Variants in ITGA7 observed in about 807,000 individuals in gnomAD.
ITGA7 encodes the protein integrin subunit alpha 7, also known as integrin alpha-7.
ITGA7 carries 84 observed loss-of-function variants against 131.6 expected under a neutral mutation model. The ratio of observed to expected loss-of-function variants is 0.64; its 90% CI spans 0.54 to 0.77. ITGA7 has a LOEUF of 0.77. Ranked by LOEUF, ITGA7 falls within the 30% of genes least tolerant of loss-of-function variation. The probability of loss-of-function intolerance (pLI) is 0.00; values close to 1 mark genes in which losing one functional copy is unlikely to be tolerated. For missense variants in ITGA7, 1,399 were observed against 1,482.9 expected (o/e 0.94, Z 0.93); for synonymous variants, 548 against 600.7 (o/e 0.91, Z 1.28).
chr12:55,690,232 G>C (rs1444427055), intron 21 of ITGA7, among the ~76,000 whole-genome samples: 1 of 151,968 alleles, frequency 6.6e-6, no homozygotes, highest in Non-Finnish European at 1.5e-5. Context: ...TCTGACAAAG[G>C]GCTAATATCC....
At chr12:55,708,006 G>C (rs950800205), upstream of ITGA7, 17 of 1,222,972 alleles carry the variant, frequency 1.4e-5, no homozygotes, top group Non-Finnish European at 1.6e-5. Context: ...TCTCCAAGGG[G>C]ATGCCCAGGC....
chr12:55,687,169 C>CTTT (rs1187388992), intron 24 of ITGA7, among the ~76,000 whole-genome samples: 30 of 88,174 alleles, frequency 3.4e-4, no homozygotes, highest in Non-Finnish European at 4.8e-4. Context: ...CATCTGATTT[C>CTTT]TTTTTTTTTT....
intron 23 of ITGA7, 40 bp downstream of exon 23, chr12:55,688,160 GAA>G: frequency 6.2e-7 from 1 of 1,613,926 alleles, no homozygotes; most frequent in Non-Finnish European, 8.5e-7. Context: ...GAGCAGGAAA[GAA>G]GAGAGTCCTC....
rs1555161122 is a variant in ITGA7, at chr12:55,694,702, TG to T, written c.2197-8del. On this transcript the variant is annotated splice_polypyrimidine_tract_variant and splice_region_variant and intron_variant, in intron 15 of 24. Coordinates refer to ENST00000257879, the MANE Select transcript of ITGA7 (RefSeq NM_002206.3). The surrounding 1 kb of genome is among the most constrained non-coding windows in gnomAD (Gnocchi z 5.3). The stretch of plus-strand genomic sequence containing the variant: ...ACAGGCAGAGTGGCTTCTCCTGGAA[TG>T]GGAGAGAAGGCAAGGTCAGTCTGGG... The T allele has an allele frequency of 6.2e-7, 1 of 1,614,036 alleles. No individual in the cohort carries two copies. The highest frequency in any genetic ancestry group is 8.5e-7 in the Non-Finnish European group (1 of 1,179,944).
intron 1 of ITGA7, among the ~76,000 whole-genome samples, chr12:55,705,142 G>A (rs1171865535): frequency 1.3e-5 from 2 of 152,104 alleles, no homozygotes; most frequent in African/African-American, 4.8e-5. Context: ...TAGGGAGGAG[G>A]GGAGGGGCCC....
At chr12:55,695,706 A>C (rs1295713928) in intron 13 of ITGA7, 69 bp from the exon 14 acceptor site, 1 of 1,017,808 alleles carries the variant, frequency 9.8e-7, no homozygotes, top group African/African-American at 1.6e-5. Flanking sequence ...TCACCATGGC[A>C]TATGGTGGGT....
Position 55,697,963 on chromosome 12 carries a change from A to G in ITGA7, c.1256T>C (p.Leu419Pro), listed in dbSNP as rs757970045. ...GKVFIYHGSS[L>P]GVVAKPSQVL... ...CTGTGAAGGTTTGGCGACAACCCCC[A>G]GGCTGCTCCCATGGTAGATGAAGAC... Residue 419 changes from leucine (L) to proline (P), a missense_variant, in exon 8 of 25, where the codon CTG (leucine) becomes CCG (proline). Transcript: ENST00000257879. The G allele has an allele frequency of 3.2e-5, 51 of 1,613,952 alleles. No homozygotes were observed. Among genetic ancestry groups the G allele is most frequent in the Non-Finnish European group, 4.2e-5 (49 of 1,180,020 alleles).
intron 3 of ITGA7, among the ~76,000 whole-genome samples, chr12:55,702,489 A>G (rs1313947046): frequency 2.6e-5 from 4 of 151,632 alleles, no homozygotes; most frequent in Non-Finnish European, 4.4e-5. Context: ...ATTTTTTTGT[A>G]TTTTTAGGAG....
At chr12:55,714,517 C>CA (rs35046301), upstream of ITGA7, among the ~76,000 whole-genome samples, 55,874 of 120,192 alleles carry the variant, frequency 0.46, 13,757 homozygotes, top group East Asian at 0.91. Context: ...GACTCCGTCT[C>CA]AAAAAAAAAA....
Position 55,694,534 on chromosome 12 carries a change from G to T in ITGA7, c.2278-12C>A. The T allele has an allele frequency of 3.7e-6, 6 of 1,614,074 alleles. No homozygotes were observed. Among genetic ancestry groups the T allele is most frequent in the Non-Finnish European group, 5.1e-6 (6 of 1,179,904 alleles). ...AGGTAGAAGGTGACCTAGGCCAAGG[G>T]TGGAAAGAGATTAGAGTCAGGGGTG... On this transcript the variant is annotated splice_polypyrimidine_tract_variant and intron_variant, in intron 16 of 24. Transcript: ENST00000257879. The surrounding 1 kb of genome is among the most constrained non-coding windows in gnomAD (Gnocchi z 5.3).
chr12:55,685,708 T>C (rs1869960729), intron 24 of ITGA7, among the ~76,000 whole-genome samples: 2 of 152,192 alleles, frequency 1.3e-5, no homozygotes, highest in African/African-American at 4.8e-5. Context: ...TCAAGCCTCA[T>C]AAACATGCAC....
upstream of ITGA7, chr12:55,716,303 G>T: frequency 2.0e-6 from 3 of 1,515,538 alleles, no homozygotes; most frequent in Non-Finnish European, 2.6e-6. Flanking sequence ...ACGCCAGCTA[G>T]CGGGCAACGG....
chr12:55,712,134 G>T (rs774088293), upstream of ITGA7: 4 of 1,551,368 alleles, frequency 2.6e-6, no homozygotes, highest in East Asian at 9.8e-5. Flanking sequence ...CATGGGAGTG[G>T]CTGGGAGGAA....
At chr12:55,701,971 G>C (rs933025312) in intron 3 of ITGA7, among the ~76,000 whole-genome samples, 5 of 151,804 alleles carry the variant, frequency 3.3e-5, no homozygotes, top group Admixed American at 1.3e-4. Context: ...GTTACTGAAA[G>C]ATAGAGAGAG....
chr12:55,698,298 G>T, intron 7 of ITGA7, 85 bp downstream of exon 7: 3 of 1,295,100 alleles, frequency 2.3e-6, no homozygotes, highest in Non-Finnish European at 2.1e-6. Context: ...TGAGTCCTCA[G>T]AAGACCACAC....
In ITGA7 at chr12:55,694,738, C is replaced by T; in HGVS notation, c.2196+40G>A. ...GCAAGGTCAGTCTGGGTTACTGGAG[C>T]CCCTCAAGACCCCACCCCATCCTGC... On this transcript the variant is annotated intron_variant, in intron 15 of 24. Transcript: ENST00000257879. The surrounding 1 kb of genome is among the most constrained non-coding windows in gnomAD (Gnocchi z 5.3). 6.2e-7 allele frequency: 1 copy of T among 1,613,824 alleles called. No individual in the cohort carries two copies. The highest frequency in any genetic ancestry group is 2.2e-5 in the East Asian group (1 of 44,868).
intron 21 of ITGA7, among the ~76,000 whole-genome samples, chr12:55,689,749 C>T (rs560852859): frequency 1.3e-5 from 2 of 152,312 alleles, no homozygotes; most frequent in African/African-American, 4.8e-5. Context: ...AAAGAATCTA[C>T]TTTAGTACTA....
Position 55,696,911 on chromosome 12 carries a change from C to T in ITGA7, c.1725G>A (p.Met575Ile), listed in dbSNP as rs1872734473. 6.2e-7 allele frequency: 1 copy of T among 1,614,200 alleles called. No individual in the cohort carries two copies. Among genetic ancestry groups the T allele is most frequent in the African/African-American group, 1.3e-5 (1 of 75,058 alleles). The part of the protein sequence containing the change: ...HQHDRVCGDA[M>I]FQLQENVKDK... ...GGTCAGTGTCCACCTGGAGCTGGAACATGGCGTCTCCACAGACTCGGTCAT... is the reference window on the plus strand; with the variant it reads ...GGTCAGTGTCCACCTGGAGCTGGAATATGGCGTCTCCACAGACTCGGTCAT... Residue 575 changes from methionine (M) to isoleucine (I), a missense_variant, in exon 12 of 25, where the codon ATG (methionine) becomes ATA (isoleucine). By Grantham distance (10) the Met-to-Ile change is conservative. Coordinates refer to ENST00000257879, the MANE Select transcript of ITGA7 (RefSeq NM_002206.3).
At position 55,698,826 on chromosome 12, in the gene ITGA7, C is replaced by A. The variant is rs148190047; in HGVS notation, c.882G>T (p.Val294=). Residue 294 remains valine (V), a synonymous_variant, in exon 6 of 25, where the codon GTG becomes GTT. Transcript: ENST00000257879. The part of the protein sequence containing the change: ...GAPRANHKGA[V]VILRKDSASR... ...TGGCGCTGTCCTTGCGCAGGATGAC[C>A]ACAGCACCCTTGTGGTTGGCGCGGG... 6.2e-7 allele frequency: 1 copy of A among 1,613,936 alleles called. No homozygotes were observed. The highest frequency in any genetic ancestry group is 8.5e-7 in the Non-Finnish European group (1 of 1,180,022).
Sources: gnomAD v4.1 joint callset for allele counts (sites outside exome capture counted in the v4.1 genomes callset) on GRCh38, gnomAD v4.1.1 for gene constraint, Gnocchi (gnomAD v3.1) non-coding constraint, MANE v1.5 for transcripts, NCBI Gene and HGNC (gene_info 2026-07-23, HGNC 2026-07-21) for gene names.